STRBP: variants seen among roughly 807,000 people sequenced by gnomAD.
STRBP encodes spermatid perinuclear RNA binding protein.
In STRBP, 13 loss-of-function variants were observed where a neutral mutation model predicts 80.1. That is an observed-to-expected ratio of 0.16 (90% CI 0.11 to 0.26). STRBP has a LOEUF of 0.26. STRBP is among the 10% of genes least tolerant of loss of function. The pLI is 1.00. For missense variants in STRBP, 485 were observed against 815.2 expected (o/e 0.59, Z 4.93); for synonymous variants, 284 against 291.2 (o/e 0.98, Z 0.25).
At chr9:123,117,666 C>T (rs2035668023), downstream of STRBP, among the ~76,000 whole-genome samples, 1 of 152,248 alleles carries the variant, frequency 6.6e-6, no homozygotes. Flanking sequence ...CTTGCACTTA[C>T]ACCTCAGACC....
intron 6 of STRBP, among the ~76,000 whole-genome samples, chr9:123,169,527 C>A (rs2037919148): frequency 1.3e-5 from 2 of 151,982 alleles, no homozygotes; most frequent in Non-Finnish European, 2.9e-5. Context: ...TGTTTTGGAC[C>A]ACATTTAATC....
chr9:123,178,064 A>T (rs908189059), intron 4 of STRBP, among the ~76,000 whole-genome samples: 16 of 152,294 alleles, frequency 1.1e-4, no homozygotes, highest in East Asian at 1.9e-4. Flanking sequence ...TAAATAGTTT[A>T]AAAAAATTGT....
At chr9:123,200,336 T>A (rs2039269183) in intron 2 of STRBP, among the ~76,000 whole-genome samples, 1 of 152,146 alleles carries the variant, frequency 6.6e-6, no homozygotes, top group South Asian at 2.1e-4. Flanking sequence ...TGTTGAGGAT[T>A]TTTGCATCTA....
At chr9:123,264,598 T>C (rs2041229447) in intron 1 of STRBP, among the ~76,000 whole-genome samples, 1 of 152,210 alleles carries the variant, frequency 6.6e-6, no homozygotes, top group African/African-American at 2.4e-5. Context: ...TTGATTCTCA[T>C]GGGAGATGGA....
chr9:123,249,783 C>T (rs1452251766), intron 1 of STRBP, among the ~76,000 whole-genome samples: 1 of 152,220 alleles, frequency 6.6e-6, no homozygotes, highest in Non-Finnish European at 1.5e-5. Flanking sequence ...TGGAGGTCCT[C>T]AAGACCTTTT....
At chr9:123,164,694 T>TC (rs1673109972) in intron 6 of STRBP, among the ~76,000 whole-genome samples, 1 of 152,152 alleles carries the variant, frequency 6.6e-6, no homozygotes, top group African/African-American at 2.4e-5. Context: ...CATGAGGGGC[T>TC]CCTTGACAAT....
chr9:123,128,899 G>C (rs2036010827), intron 17 of STRBP, among the ~76,000 whole-genome samples: 1 of 152,202 alleles, frequency 6.6e-6, no homozygotes, highest in South Asian at 2.1e-4. Context: ...TTTGACATCA[G>C]CCTCTGGTAC....
chr9:123,154,171 T>G (rs1311834669), intron 11 of STRBP, among the ~76,000 whole-genome samples: 1 of 152,132 alleles, frequency 6.6e-6, no homozygotes, highest in Non-Finnish European at 1.5e-5. Flanking sequence ...GGCAACACGG[T>G]AAGTGGTTGT....
chr9:123,132,880 A>G lies in STRBP; in HGVS notation c.1862T>C (p.Val621Ala), dbSNP rs928639192. The change falls in exon 17 of 19, where the codon GTT becomes GCT. Residue 621 changes from valine to alanine, a missense_variant. Val to Ala is a moderately conservative substitution (Grantham distance 64). Transcript: ENST00000348403. The part of the protein sequence containing the change: ...GRGTLTRGAF[V>A]GATAAPGYIA... Reference sequence around the variant, plus strand: ...GTAGCCAGGAGCAGCTGTCGCCCCAACAAAAGCTCCCCTTGTTAGAGTTCC... The same window carrying G: ...GTAGCCAGGAGCAGCTGTCGCCCCAGCAAAAGCTCCCCTTGTTAGAGTTCC... 2.5e-6 allele frequency: 4 copies of G among 1,614,138 alleles called. No homozygotes were observed. Among genetic ancestry groups the G allele is most frequent in the South Asian group, 1.1e-5 (1 of 91,074 alleles).
chr9:123,187,268 TAA>T (rs5900565), intron 2 of STRBP, among the ~76,000 whole-genome samples: 369 of 138,716 alleles, frequency 2.7e-3, no homozygotes, highest in Middle Eastern at 7.4e-3. Context: ...TTCAGCTATT[TAA>T]AAAAAAAAAA....
chr9:123,163,163 G>A (rs16926219), intron 6 of STRBP, among the ~76,000 whole-genome samples: 1,667 of 152,282 alleles, frequency 0.011, 31 homozygotes, highest in African/African-American at 0.038. Context: ...ATGGAAGAGG[G>A]AAGTAACACA....
intron 3 of STRBP, chr9:123,181,064 G>T: frequency 9.8e-6 from 3 of 307,670 alleles, no homozygotes; most frequent in Non-Finnish European, 1.4e-5. Flanking sequence ...AACTTTGGTT[G>T]AAAAGGTAAT....
chr9:123,239,547 G>A lies in STRBP; in HGVS notation c.-301-2581C>T, dbSNP rs542959248. Reference sequence around the variant, plus strand: ...ATCACAAACTTAGGACCAGGGCACAGAACGTCTTGCATTTTCCCCCAGCTT... The same window carrying A: ...ATCACAAACTTAGGACCAGGGCACAAAACGTCTTGCATTTTCCCCCAGCTT... On this transcript the variant is annotated intron_variant, in intron 1 of 18. Coordinates refer to ENST00000348403, the MANE Select transcript of STRBP (RefSeq NM_018387.5). Among the ~76,000 whole-genome samples the A allele has an allele frequency of 2.0e-5, 3 of 152,302 alleles. No homozygotes were observed. In the South Asian group the frequency reaches 6.2e-4, roughly 32 times the overall value.
chr9:123,169,865 A>AATAT, intron 6 of STRBP, 37 bp downstream of exon 6: 1 of 1,116,090 alleles, frequency 9.0e-7, no homozygotes, highest in Non-Finnish European at 1.1e-6. Context: ...AACAACAACA[A>AATAT]ATATATACAT....
downstream of STRBP, among the ~76,000 whole-genome samples, chr9:123,117,843 C>G (rs2035671092): frequency 6.6e-6 from 1 of 152,214 alleles, no homozygotes; most frequent in Non-Finnish European, 1.5e-5. Context: ...AAACACATAC[C>G]TCAGATTTCA....
chr9:123,163,003 T>A (rs2037590482), intron 6 of STRBP, among the ~76,000 whole-genome samples: 1 of 152,226 alleles, frequency 6.6e-6, no homozygotes. Flanking sequence ...AAGTTAGACG[T>A]AACAAAGGTT....
intron 2 of STRBP, among the ~76,000 whole-genome samples, chr9:123,230,063 A>T (rs1334777314): frequency 6.6e-6 from 1 of 152,196 alleles, no homozygotes; most frequent in Non-Finnish European, 1.5e-5. Flanking sequence ...TACAGACTAT[A>T]CAGAGGAGTT....
At chr9:123,195,390 T>C (rs892262567) in intron 2 of STRBP, among the ~76,000 whole-genome samples, 1 of 152,110 alleles carries the variant, frequency 6.6e-6, no homozygotes, top group African/African-American at 2.4e-5. Context: ...GCATTCAAAT[T>C]GGAAAGAAGC....
chr9:123,268,248 G>A (rs1234787027), intron 1 of STRBP, among the ~76,000 whole-genome samples, 188 bp downstream of exon 1: 10 of 149,350 alleles, frequency 6.7e-5, no homozygotes, highest in Non-Finnish European at 1.5e-4. Flanking sequence ...CCACAATGCC[G>A]GAGCCGCGGG....
Sources: gnomAD v4.1 joint callset for allele counts (sites outside exome capture counted in the v4.1 genomes callset) on GRCh38, gnomAD v4.1.1 for gene constraint, MANE v1.5 for transcripts, NCBI Gene and HGNC (gene_info 2026-07-23, HGNC 2026-07-21) for gene names.